CSMD1: variants seen among roughly 807,000 people sequenced by gnomAD.
The protein encoded by CSMD1 is CUB and sushi domain-containing protein 1.
In CSMD1, 213 loss-of-function variants were observed where a neutral mutation model predicts 417.5. The ratio of observed to expected loss-of-function variants is 0.51; its 90% CI spans 0.46 to 0.57. The LOEUF (loss-of-function observed/expected upper bound fraction) is 0.57. Among genes scored for constraint, CSMD1 ranks in the 20% least tolerant of loss-of-function variants. The pLI is 0.00. For synonymous variants in CSMD1, 2,862 were observed against 1,736.8 expected (o/e 1.65, Z -16.11); for missense variants, 6,923 against 4,529.7 (o/e 1.53, Z -15.17).
intron 3 of CSMD1, among the ~76,000 whole-genome samples, chr8:4,047,448 T>C (rs1172195837): frequency 1.3e-5 from 2 of 152,180 alleles, no homozygotes; most frequent in African/African-American, 2.4e-5. Flanking sequence ...TCCCAGGGAA[T>C]TCTTAAGAAT....
At chr8:2,987,709 G>A (rs1328870366) in intron 54 of CSMD1, among the ~76,000 whole-genome samples, 1 of 152,192 alleles carries the variant, frequency 6.6e-6, no homozygotes, top group African/African-American at 2.4e-5. Flanking sequence ...AGTGATGCGG[G>A]TTCATCACCG....
chr8:3,570,727 T>A (rs555109011), intron 10 of CSMD1, among the ~76,000 whole-genome samples: 9 of 152,260 alleles, frequency 5.9e-5, no homozygotes, highest in African/African-American at 1.7e-4. Context: ...AAAAATACCC[T>A]ATGGAGGTAG....
chr8:4,021,570 C>T (rs1044816133), intron 4 of CSMD1, among the ~76,000 whole-genome samples: 3 of 152,190 alleles, frequency 2.0e-5, no homozygotes, highest in African/African-American at 4.8e-5. Flanking sequence ...CACCTGGGAT[C>T]ATCCTCATGC....
At chr8:3,845,760 A>T (rs570719624) in intron 5 of CSMD1, among the ~76,000 whole-genome samples, 3 of 152,174 alleles carry the variant, frequency 2.0e-5, no homozygotes, top group Non-Finnish European at 4.4e-5. Flanking sequence ...ATAGCTCAGA[A>T]CATACTTTGT....
At chr8:4,778,788 A>G (rs985802577) in intron 1 of CSMD1, among the ~76,000 whole-genome samples, 1 of 152,260 alleles carries the variant, frequency 6.6e-6, no homozygotes, top group African/African-American at 2.4e-5. Flanking sequence ...CATAACATAC[A>G]CTTCATTAGG....
chr8:4,487,738 G>A (rs1168642161), intron 2 of CSMD1, among the ~76,000 whole-genome samples: 1 of 152,184 alleles, frequency 6.6e-6, no homozygotes, highest in Non-Finnish European at 1.5e-5. Context: ...AAAATAAAGT[G>A]TACTCAGTCT....
chr8:4,850,803 T>G (rs916720832), intron 1 of CSMD1, among the ~76,000 whole-genome samples: 8 of 152,080 alleles, frequency 5.3e-5, no homozygotes, highest in Non-Finnish European at 1.2e-4. Flanking sequence ...TTACCCAAAC[T>G]GCCCTCAAAA....
chr8:3,698,834 G>C (rs879325730), intron 7 of CSMD1, among the ~76,000 whole-genome samples: 19 of 152,184 alleles, frequency 1.2e-4, no homozygotes, highest in Non-Finnish European at 2.4e-4. Context: ...ATGTCCGTGG[G>C]AAAATGATTT....
At chr8:3,728,045 A>T (rs78919039) in intron 6 of CSMD1, among the ~76,000 whole-genome samples, 228 of 152,256 alleles carry the variant, frequency 1.5e-3, no homozygotes, top group Non-Finnish European at 2.7e-3. Flanking sequence ...CCTGAATTGT[A>T]CATTTGAAAG....
intron 5 of CSMD1, among the ~76,000 whole-genome samples, chr8:3,789,898 A>C (rs1799640827): frequency 6.6e-6 from 1 of 151,726 alleles, no homozygotes; most frequent in Admixed American, 6.6e-5. Context: ...CGCCTGGCTA[A>C]TTTTTTGTAT....
chr8:3,525,725 A>T (rs1797726975), intron 10 of CSMD1, among the ~76,000 whole-genome samples: 1 of 152,168 alleles, frequency 6.6e-6, no homozygotes, highest in African/African-American at 2.4e-5. Flanking sequence ...TTTAACACCT[A>T]GTTGTCGCAA....
chr8:3,136,880 A>G (rs1818132468), intron 41 of CSMD1, among the ~76,000 whole-genome samples: 1 of 152,218 alleles, frequency 6.6e-6, no homozygotes, highest in Non-Finnish European at 1.5e-5. Context: ...CTGCAGTGAC[A>G]TGAATTGGCT....
intron 3 of CSMD1, among the ~76,000 whole-genome samples, chr8:4,402,146 CA>C (rs748044946): frequency 1.3e-5 from 2 of 152,110 alleles, no homozygotes; most frequent in Non-Finnish European, 2.9e-5. Context: ...GTCATATGGT[CA>C]GAGACCAGCC....
intron 2 of CSMD1, among the ~76,000 whole-genome samples, chr8:4,437,103 C>T (rs948035268): frequency 3.3e-5 from 5 of 152,068 alleles, no homozygotes; most frequent in African/African-American, 1.2e-4. Flanking sequence ...AAAAATGAAT[C>T]CTACAGTTGC....
chr8:3,381,966 G>C (rs755544471), intron 18 of CSMD1, among the ~76,000 whole-genome samples: 1 of 152,014 alleles, frequency 6.6e-6, no homozygotes. Flanking sequence ...CCTTTAAAAA[G>C]AATGTATCAG....
intron 6 of CSMD1, among the ~76,000 whole-genome samples, chr8:3,714,147 T>G (rs1458065597): frequency 6.7e-6 from 1 of 150,026 alleles, no homozygotes; most frequent in Non-Finnish European, 1.5e-5. Context: ...TATACGTATT[T>G]AGAAAGTTAA....
Position 4,174,977 on chromosome 8 carries a change from G to C in CSMD1, c.416-142878C>G, listed in dbSNP as rs909143167. On this transcript the variant is annotated intron_variant, in intron 3 of 69. Coordinates refer to ENST00000635120, the MANE Select transcript of CSMD1 (RefSeq NM_033225.6). Reference sequence around the variant, plus strand: ...TTAAAATTAGTATTGATGGCTCTTTGAGATACTTGCTGAATTGGAATCTCT... The same window carrying C: ...TTAAAATTAGTATTGATGGCTCTTTCAGATACTTGCTGAATTGGAATCTCT... 8.3e-4 allele frequency among the ~76,000 whole-genome samples: 125 copies of C among 151,108 alleles called. 1 individual carries two copies. The highest frequency in any genetic ancestry group is 9.7e-5 in the African/African-American group (4 of 41,062).
At chr8:3,142,911 G>GT (rs1202546505) in intron 40 of CSMD1, among the ~76,000 whole-genome samples, 1 of 152,162 alleles carries the variant, frequency 6.6e-6, no homozygotes, top group Non-Finnish European at 1.5e-5. Context: ...AAGTCAATTT[G>GT]TTTGTGAAAT....
Position 4,310,741 on chromosome 8 carries a change from C to T in CSMD1, c.415+109212G>A, listed in dbSNP as rs1585206765. On this transcript the variant is annotated intron_variant, in intron 3 of 69. Coordinates refer to ENST00000635120, the MANE Select transcript of CSMD1 (RefSeq NM_033225.6). ...GCATTGTATACCATGGAGAGAGTAG[C>T]TCCAGCATGGAGAGGGAGACTGTGT... Among the ~76,000 whole-genome samples, 5 of 152,098 alleles carry T rather than the reference C, an allele frequency of 3.3e-5. No homozygotes were observed. In the East Asian group the frequency reaches 5.8e-4, roughly 18 times the overall value.
Sources: gnomAD v4.1 joint callset for allele counts (sites outside exome capture counted in the v4.1 genomes callset) on GRCh38, gnomAD v4.1.1 for gene constraint, MANE v1.5 for transcripts, NCBI Gene and HGNC (gene_info 2026-07-23, HGNC 2026-07-21) for gene names.